The following MBTD1 variants were observed in gnomAD, a reference collection of about 807,000 sequenced individuals.
MBTD1 encodes mbt domain containing 1.
In MBTD1, 24 loss-of-function variants were observed where a neutral mutation model predicts 87.8. That is an observed-to-expected ratio of 0.27 (90% confidence interval 0.20 to 0.38). MBTD1 has a LOEUF of 0.38. Ranked by LOEUF, MBTD1 falls within the 10% of genes least tolerant of loss-of-function variation. The probability of loss-of-function intolerance (pLI) is 1.00; values close to 1 mark genes in which losing one functional copy is unlikely to be tolerated. For synonymous variants in MBTD1, 237 were observed against 248.6 expected (o/e 0.95, Z 0.44); for missense variants, 436 against 760.2 (o/e 0.57, Z 5.02).
At chr17:51,217,566 A>G (rs1044651906) in intron 5 of MBTD1, 150 bp from the exon 6 acceptor site, 2 of 520,756 alleles carry the variant, frequency 3.8e-6, no homozygotes, top group African/African-American at 4.0e-5. Context: ...AACTTCTCTA[A>G]ATAGCATGAG....
At chr17:51,235,482 A>T (rs975947999) in intron 2 of MBTD1, among the ~76,000 whole-genome samples, 3 of 152,196 alleles carry the variant, frequency 2.0e-5, no homozygotes, top group Non-Finnish European at 4.4e-5. Context: ...TGAACCTAAC[A>T]ATATATAAAA....
At chr17:51,190,613 T>C (rs1286978150) in intron 16 of MBTD1, among the ~76,000 whole-genome samples, 1 of 147,250 alleles carries the variant, frequency 6.8e-6, no homozygotes, top group Non-Finnish European at 1.5e-5. Context: ...TCCCAGCTAC[T>C]CCAGGGGCTG....
In MBTD1 at chr17:51,202,356, C is replaced by G. The variant is rs188825207; in HGVS notation, c.1064-279G>C. Among the ~76,000 whole-genome samples, 60 of 152,164 alleles carry G rather than the reference C, an allele frequency of 3.9e-4. 1 individual carries two copies. The highest frequency in any genetic ancestry group is 3.1e-3 in the Admixed American group (47 of 15,286). On this transcript the variant is annotated intron_variant, in intron 10 of 16. Coordinates refer to ENST00000586178, the MANE Select transcript of MBTD1 (RefSeq NM_017643.3). ...AACTTTAGAAGCATGTTTTCATGTG[C>G]TTAGTATTAAGTCTAACCACATTTA...
chr17:51,203,075 A>G (rs2051587140), intron 9 of MBTD1, 65 bp downstream of exon 9: 1 of 1,368,710 alleles, frequency 7.3e-7, no homozygotes, highest in African/African-American at 1.5e-5. Flanking sequence ...CCAATTCCTT[A>G]AAAATGTTCT....
intron 13 of MBTD1, among the ~76,000 whole-genome samples, chr17:51,193,871 T>C (rs2050933487): frequency 6.6e-6 from 1 of 152,218 alleles, no homozygotes; most frequent in African/African-American, 2.4e-5. Flanking sequence ...TCCTCCTACC[T>C]GAGTCTCCCA....
chr17:51,184,826 A>G (rs571362982), intron 16 of MBTD1: 10 of 152,344 alleles, frequency 6.6e-5, no homozygotes, highest in African/African-American at 2.4e-4. Context: ...AAAGAAAAAA[A>G]CTTAGACAAG....
intron 2 of MBTD1, among the ~76,000 whole-genome samples, chr17:51,248,549 C>T (rs1055119086): frequency 1.3e-5 from 2 of 152,148 alleles, no homozygotes; most frequent in African/African-American, 4.8e-5. Flanking sequence ...TCAATCTCTC[C>T]CCAGTCCTGA....
chr17:51,238,884 A>C (rs1310365946), intron 2 of MBTD1, among the ~76,000 whole-genome samples: 1 of 152,132 alleles, frequency 6.6e-6, no homozygotes, highest in Non-Finnish European at 1.5e-5. Flanking sequence ...TGGATCACTT[A>C]AAGTCAGGAG....
intron 2 of MBTD1, 32 bp from the exon 3 acceptor site, chr17:51,225,241 C>T (rs2053143149): frequency 1.5e-6 from 2 of 1,310,936 alleles, no homozygotes; most frequent in Middle Eastern, 1.9e-4. Flanking sequence ...TGACACATGA[C>T]ACAACACTCA....
intron 16 of MBTD1, chr17:51,186,351 AAAG>A (rs1247979132): frequency 1.3e-5 from 2 of 152,266 alleles, no homozygotes; most frequent in Non-Finnish European, 2.9e-5. Context: ...GTATTTCTGA[AAAG>A]AAGGAAAGAG....
chr17:51,217,080 T>G (rs2052613189), intron 6 of MBTD1, among the ~76,000 whole-genome samples: 1 of 152,078 alleles, frequency 6.6e-6, no homozygotes, highest in Non-Finnish European at 1.5e-5. Context: ...AAAATTAGTA[T>G]TTATAAGAGA....
chr17:51,242,296 GGTT>G (rs1555696642), intron 2 of MBTD1, among the ~76,000 whole-genome samples: 2 of 151,984 alleles, frequency 1.3e-5, no homozygotes, highest in East Asian at 1.9e-4. Flanking sequence ...ATCCCCACAG[GGTT>G]TTTTTCTCAC....
chr17:51,201,297 T>TA (rs1461711927), intron 12 of MBTD1, among the ~76,000 whole-genome samples: 1 of 152,206 alleles, frequency 6.6e-6, no homozygotes, highest in Non-Finnish European at 1.5e-5. Flanking sequence ...TTGGCCTTGT[T>TA]ACAATTCTGA....
At chr17:51,207,235 C>T (rs1568177670) in intron 6 of MBTD1, among the ~76,000 whole-genome samples, 1 of 152,134 alleles carries the variant, frequency 6.6e-6, no homozygotes, top group South Asian at 2.1e-4. Context: ...AAATCTGATA[C>T]TGTCCTAATA....
chr17:51,212,117 T>C (rs2052264108), intron 6 of MBTD1, among the ~76,000 whole-genome samples: 1 of 152,124 alleles, frequency 6.6e-6, no homozygotes, highest in Admixed American at 6.5e-5. Flanking sequence ...CCCAGCACTT[T>C]GGGAGGCCGA....
rs1568135873 is a variant in MBTD1, at chr17:51,179,503, T to TAC, written c.*1072_*1073insGT. ...ACAATTTTATATATATATATATATA[T>TAC]ATATATATATATATATATATATATA... On this transcript the variant is annotated 3_prime_UTR_variant, in exon 17 of 17. Transcript: ENST00000586178. The TAC allele has an allele frequency of 1.5e-4, 12 of 79,492 alleles. No individual in the cohort carries two copies. Among genetic ancestry groups the TAC allele is most frequent in the African/African-American group, 5.0e-4 (10 of 19,866 alleles). The allele number at this position is 79,492 out of a possible 1,614,324, so 4.9% of individuals were successfully genotyped here.
intron 16 of MBTD1, among the ~76,000 whole-genome samples, chr17:51,190,357 C>T (rs1475474875): frequency 6.6e-6 from 1 of 152,030 alleles, no homozygotes; most frequent in Admixed American, 6.6e-5. Context: ...CCGCCTTGGC[C>T]TCCCAAAGTT....
In MBTD1 at chr17:51,202,721, C is replaced by T; in HGVS notation, c.1043G>A (p.Gly348Asp). The change falls in exon 10 of 17, where the codon GGT becomes GAT. Residue 348 changes from glycine (G) to aspartate (D), a missense_variant. Physicochemically the swap from Gly to Asp is moderately conservative, Grantham distance 94 (BLOSUM62 -1). Coordinates refer to ENST00000586178, the MANE Select transcript of MBTD1 (RefSeq NM_017643.3). ...IHHIGWSRSI[G>D]HRFKRSDITK... ...CTTACCAGATCTTTTGAATCGATGACCTATGCTTCGAGACCAACCAATATG... is the reference window on the plus strand; with the variant it reads ...CTTACCAGATCTTTTGAATCGATGATCTATGCTTCGAGACCAACCAATATG... 3.1e-6 allele frequency: 5 copies of T among 1,613,998 alleles called. No homozygotes were observed. The highest frequency in any genetic ancestry group is 4.2e-6 in the Non-Finnish European group (5 of 1,179,880).
intron 2 of MBTD1, among the ~76,000 whole-genome samples, chr17:51,255,574 T>C (rs899431896): frequency 1.3e-5 from 2 of 151,472 alleles, no homozygotes; most frequent in African/African-American, 4.9e-5. Flanking sequence ...CTTAAAGTAA[T>C]AGATGATGAT....
Sources: allele counts gnomAD v4.1 joint callset (sites outside exome capture counted in the v4.1 genomes callset), GRCh38; gene constraint gnomAD v4.1.1; transcripts MANE v1.5; gene names NCBI Gene and HGNC (gene_info 2026-07-23, HGNC 2026-07-21).